The following ATXN1 variants were observed in gnomAD, a reference collection of about 807,000 sequenced individuals.
ATXN1 encodes ataxin-1.
A neutral mutation model predicts 56.4 loss-of-function variants in ATXN1; 8 were observed. That is an observed-to-expected ratio of 0.14 (90% confidence interval 0.08 to 0.26). ATXN1 has a LOEUF of 0.26. Ranked by LOEUF, ATXN1 falls within the 10% of genes least tolerant of loss-of-function variation. ATXN1 has a pLI of 1.00. For missense variants in ATXN1, 987 were observed against 1,106.5 expected, an observed-to-expected ratio of 0.89 and a Z score of 1.53; for synonymous variants, 514 against 494.6, an observed-to-expected ratio of 1.04 and a Z score of -0.52.
chr6:16,342,670 A>G (rs57791752), intron 6 of ATXN1, among the ~76,000 whole-genome samples: 4,871 of 152,306 alleles, frequency 0.032, 229 homozygotes, highest in African/African-American at 0.11. Context: ...CCTTATGACG[A>G]GCTATTATTC....
At chr6:16,398,961 C>T (rs1581736371) in intron 6 of ATXN1, among the ~76,000 whole-genome samples, 1 of 152,220 alleles carries the variant, frequency 6.6e-6, no homozygotes, top group Non-Finnish European at 1.5e-5. Context: ...GGCCCTCCAA[C>T]GTGGACTCAC....
At chr6:16,607,910 C>CGGT (rs1312074148) in intron 3 of ATXN1, among the ~76,000 whole-genome samples, 1 of 152,140 alleles carries the variant, frequency 6.6e-6, no homozygotes, top group Non-Finnish European at 1.5e-5. Flanking sequence ...GCCCCTCAAT[C>CGGT]GGTGGTGAGA....
chr6:16,556,973 TAAC>T (rs1561753645), intron 4 of ATXN1, among the ~76,000 whole-genome samples: 1 of 151,984 alleles, frequency 6.6e-6, no homozygotes, highest in East Asian at 1.9e-4. Flanking sequence ...CATATTTAAA[TAAC>T]AACAAAAATA....
chr6:16,694,493 G>C (rs965011832), intron 2 of ATXN1, among the ~76,000 whole-genome samples: 1 of 152,050 alleles, frequency 6.6e-6, no homozygotes. Flanking sequence ...TTCTTTAAAA[G>C]AAATTATGTC....
chr6:16,531,584 T>C (rs1581825710), intron 4 of ATXN1, among the ~76,000 whole-genome samples: 2 of 149,974 alleles, frequency 1.3e-5, no homozygotes, highest in Non-Finnish European at 3.0e-5. Context: ...GATCATGCCA[T>C]TGCACTCCAG....
chr6:16,712,245 A>G (rs1759539801), intron 2 of ATXN1, among the ~76,000 whole-genome samples: 1 of 152,178 alleles, frequency 6.6e-6, no homozygotes, highest in Non-Finnish European at 1.5e-5. Flanking sequence ...GAAAAGAAAG[A>G]TGTACTTTCT....
At chr6:16,417,057 G>C (rs1235729515) in intron 6 of ATXN1, among the ~76,000 whole-genome samples, 6 of 152,130 alleles carry the variant, frequency 3.9e-5, no homozygotes, top group Non-Finnish European at 7.3e-5. Context: ...TTAGAGATGA[G>C]GTTTTGCTCT....
chr6:16,546,615 T>C (rs1761819161), intron 4 of ATXN1, among the ~76,000 whole-genome samples: 1 of 152,226 alleles, frequency 6.6e-6, no homozygotes, highest in Admixed American at 6.5e-5. Context: ...GTCCCAACTA[T>C]AAGTAGAGAT....
intron 3 of ATXN1, among the ~76,000 whole-genome samples, chr6:16,602,356 A>C (rs1762926656): frequency 1.3e-5 from 2 of 152,250 alleles, no homozygotes; most frequent in Admixed American, 1.3e-4. Context: ...AAAAAAATCC[A>C]TACTTTAAAG....
chr6:16,434,129 CAT>C (rs145409592), intron 6 of ATXN1, among the ~76,000 whole-genome samples: 2,622 of 152,280 alleles, frequency 0.017, 46 homozygotes, highest in South Asian at 0.084. Flanking sequence ...TGTACAGAAA[CAT>C]GTGCACACAT....
intron 6 of ATXN1, among the ~76,000 whole-genome samples, chr6:16,428,671 A>C (rs1017525827): frequency 6.6e-6 from 1 of 152,084 alleles, no homozygotes; most frequent in Admixed American, 6.5e-5. Flanking sequence ...TTACAGCACA[A>C]GCTGATGCCA....
intron 3 of ATXN1, among the ~76,000 whole-genome samples, chr6:16,640,827 AG>A (rs879383403): frequency 0.014 from 2,135 of 152,350 alleles, 54 homozygotes; most frequent in African/African-American, 0.048. Context: ...TTAGCGAGGA[AG>A]GCATGTTGAA....
intron 6 of ATXN1, among the ~76,000 whole-genome samples, chr6:16,346,345 AG>A (rs1180040115): frequency 6.6e-6 from 1 of 152,172 alleles, no homozygotes; most frequent in East Asian, 1.9e-4. Context: ...TTGGGATTAC[AG>A]CCCTGAGCCA....
At chr6:16,423,266 G>A (rs1340294273) in intron 6 of ATXN1, among the ~76,000 whole-genome samples, 3 of 152,024 alleles carry the variant, frequency 2.0e-5, no homozygotes, top group African/African-American at 4.8e-5. Flanking sequence ...CTTCTACTAC[G>A]CAAGGTCTCA....
intron 4 of ATXN1, among the ~76,000 whole-genome samples, chr6:16,535,352 C>G (rs2113710342): frequency 6.6e-6 from 1 of 152,266 alleles, no homozygotes; most frequent in South Asian, 2.1e-4. Context: ...GAGCATGGAG[C>G]ATCTTGTAGT....
At chr6:16,416,996 A>G (rs1020615087) in intron 6 of ATXN1, among the ~76,000 whole-genome samples, 1 of 152,226 alleles carries the variant, frequency 6.6e-6, no homozygotes, top group African/African-American at 2.4e-5. Context: ...TAACCCTACA[A>G]TATTTCTAAT....
At chr6:16,482,751 G>T (rs957827765) in intron 6 of ATXN1, among the ~76,000 whole-genome samples, 5 of 152,192 alleles carry the variant, frequency 3.3e-5, no homozygotes, top group Admixed American at 3.3e-4. Context: ...GCCCAGGAGG[G>T]TCTTGTGGAA....
intron 4 of ATXN1, among the ~76,000 whole-genome samples, chr6:16,529,709 C>T (rs754515874): frequency 7.3e-5 from 11 of 150,842 alleles, no homozygotes; most frequent in Non-Finnish European, 1.3e-4. Context: ...TAAATTTATC[C>T]ACAGTCTAAC....
chr6:16,689,364 A>C lies in ATXN1; in HGVS notation c.-614-31463T>G, dbSNP rs374464100. On this transcript the variant is annotated intron_variant, in intron 2 of 7. Transcript: ENST00000436367. ...GGTATCACTCTCTTGCTCAGGCTAG[A>C]GCGCAGTGGCATGATCATAGCTCAC... Among the ~76,000 whole-genome samples the C allele has an allele frequency of 3.9e-4, 59 of 152,182 alleles. 2 individuals carry two copies. The East Asian group carries it at 8.1e-3, about 21-fold the overall frequency.
Sources: gnomAD v4.1 joint callset for allele counts (sites outside exome capture counted in the v4.1 genomes callset) on GRCh38, gnomAD v4.1.1 for gene constraint, MANE v1.5 for transcripts, NCBI Gene and HGNC (gene_info 2026-07-23, HGNC 2026-07-21) for gene names.